The following CACNA1A variants were observed in gnomAD, a reference collection of about 807,000 sequenced individuals.
CACNA1A encodes voltage-dependent P/Q-type calcium channel subunit alpha-1A.
A neutral mutation model predicts 262.4 loss-of-function variants in CACNA1A; 57 were observed. That is an observed-to-expected ratio of 0.22 (90% confidence interval 0.18 to 0.27). CACNA1A has a LOEUF of 0.27. CACNA1A is among the 10% of genes least tolerant of loss of function. The pLI, the probability that CACNA1A is intolerant of heterozygous loss-of-function variation, is 1.00. For missense variants in CACNA1A, 2,526 were observed against 3,562.8 expected (o/e 0.71, Z 7.41); for synonymous variants, 1,431 against 1,419.3 (o/e 1.01, Z -0.18).
In CACNA1A at chr19:13,317,101, G is replaced by A; in HGVS notation, c.1555+11C>T. Reference sequence around the variant, plus strand: ...AGGGAGTTGGCAGGGGTGGGGCTGGGTGATACTCACAAAGGAAGTCGGAGA... The same window carrying A: ...AGGGAGTTGGCAGGGGTGGGGCTGGATGATACTCACAAAGGAAGTCGGAGA... On this transcript the variant is annotated intron_variant, in intron 11 of 46. Coordinates refer to ENST00000360228, the MANE Select transcript of CACNA1A (RefSeq NM_001127222.2). The A allele has an allele frequency of 6.3e-7, 1 of 1,589,170 alleles. No individual in the cohort carries two copies. The highest frequency in any genetic ancestry group is 8.6e-7 in the Non-Finnish European group (1 of 1,158,996).
At chr19:13,472,978 T>C (rs1978289037) in intron 1 of CACNA1A, among the ~76,000 whole-genome samples, 2 of 152,148 alleles carry the variant, frequency 1.3e-5, no homozygotes, top group Admixed American at 1.3e-4. Flanking sequence ...AGAGGCCAGG[T>C]GCAGTGGCTC....
At chr19:13,429,167 TACACACAC>T (rs56218610) in intron 3 of CACNA1A, among the ~76,000 whole-genome samples, 19,013 of 141,198 alleles carry the variant, frequency 0.13, 1,391 homozygotes, top group Non-Finnish European at 0.18. Flanking sequence ...TCACTGTGCG[TACACACAC>T]ACACACACAC....
intron 20 of CACNA1A, among the ~76,000 whole-genome samples, chr19:13,286,083 C>G (rs894493621): frequency 6.0e-5 from 9 of 151,064 alleles, no homozygotes; most frequent in African/African-American, 2.2e-4. Flanking sequence ...GCCAGTACAT[C>G]TGGCCCCTTT....
At chr19:13,306,059 C>CA (rs34439709) in intron 15 of CACNA1A, among the ~76,000 whole-genome samples, 16,912 of 139,748 alleles carry the variant, frequency 0.12, 1,095 homozygotes, top group East Asian at 0.18. Context: ...GACTCCATCT[C>CA]AAAAAAAAAA....
At position 13,366,940 on chromosome 19, in the gene CACNA1A, A is replaced by G. The variant is rs78973582; in HGVS notation, c.632-1471T>C. Among the ~76,000 whole-genome samples, 3 of 152,278 alleles carry G rather than the reference A, an allele frequency of 2.0e-5. No homozygotes were observed. The East Asian group carries it at 5.8e-4, about 29-fold the overall frequency. On this transcript the variant is annotated intron_variant, in intron 4 of 46. Transcript: ENST00000360228. ...ACATGTAAAGTCACTCTCATTTTAC[A>G]GAAGTGGGAAGCAAGGCTAACAGAG...
At chr19:13,221,825 C>CTGG (rs2055243342) in intron 38 of CACNA1A, among the ~76,000 whole-genome samples, 1 of 152,148 alleles carries the variant, frequency 6.6e-6, no homozygotes, top group Non-Finnish European at 1.5e-5. Context: ...GCCCGCCTCC[C>CTGG]TGGCCTCCTC....
intron 24 of CACNA1A, 152 bp from the exon 25 acceptor site, chr19:13,262,985 T>C (rs2056772344): frequency 3.1e-6 from 2 of 649,318 alleles, no homozygotes; most frequent in Admixed American, 2.3e-5. Context: ...TGGTGAAGAG[T>C]GGTCCATTTC....
intron 22 of CACNA1A, among the ~76,000 whole-genome samples, chr19:13,282,417 A>T (rs1197814827): frequency 6.6e-6 from 1 of 152,046 alleles, no homozygotes; most frequent in African/African-American, 2.4e-5. Context: ...GCAGCCCATG[A>T]CTGAGGCACG....
At chr19:13,245,294 G>A (rs1186975652) in intron 30 of CACNA1A, 29 bp from the exon 31 acceptor site, 4 of 1,583,180 alleles carry the variant, frequency 2.5e-6, no homozygotes, top group Non-Finnish European at 3.5e-6. Flanking sequence ...AGACAGAGAT[G>A]CCAACAGAGG....
chr19:13,302,193 A>G (rs1216089459), intron 17 of CACNA1A, among the ~76,000 whole-genome samples: 2 of 152,128 alleles, frequency 1.3e-5, no homozygotes, highest in Admixed American at 1.3e-4. Context: ...TGCGACACAC[A>G]TCTCATCTAA....
chr19:13,496,670 T>A (rs1981571483), intron 1 of CACNA1A, among the ~76,000 whole-genome samples: 1 of 151,982 alleles, frequency 6.6e-6, no homozygotes, highest in Non-Finnish European at 1.5e-5. Context: ...ATAACAGAGA[T>A]CAAGGGAGTT....
At chr19:13,394,413 G>A (rs1164320476) in intron 3 of CACNA1A, among the ~76,000 whole-genome samples, 1 of 152,206 alleles carries the variant, frequency 6.6e-6, no homozygotes, top group Admixed American at 6.5e-5. Context: ...ACAATTGCCT[G>A]CTAACTTCAT....
intron 21 of CACNA1A, chr19:13,284,686 T>C (rs1001242320): frequency 1.1e-5 from 2 of 188,186 alleles, no homozygotes; most frequent in African/African-American, 4.7e-5. Context: ...CCACGTGCAG[T>C]TGTTCAGGCT....
chr19:13,495,220 G>A (rs762542517), intron 1 of CACNA1A, among the ~76,000 whole-genome samples: 3 of 152,204 alleles, frequency 2.0e-5, no homozygotes, highest in Non-Finnish European at 4.4e-5. Flanking sequence ...TTGGGGGGAT[G>A]TGAGGAAGGC....
Position 13,330,349 on chromosome 19 carries a change from C to T in CACNA1A, c.1256-16G>A. The T allele has an allele frequency of 2.6e-6, 4 of 1,548,142 alleles. No individual in the cohort carries two copies. Among genetic ancestry groups the T allele is most frequent in the Non-Finnish European group, 3.5e-6 (4 of 1,142,184 alleles). On this transcript the variant is annotated splice_polypyrimidine_tract_variant and intron_variant, in intron 9 of 46. Coordinates refer to ENST00000360228, the MANE Select transcript of CACNA1A (RefSeq NM_001127222.2). ...CTCCGCAGAGCTCCAACAATGGAAA[C>T]ATGGCAAGAGAAAAAGACGTTACCC...
chr19:13,434,983 T>C (rs1249627355), intron 3 of CACNA1A, among the ~76,000 whole-genome samples: 2 of 151,976 alleles, frequency 1.3e-5, no homozygotes, highest in Admixed American at 1.3e-4. Context: ...AGAGACAGGA[T>C]TTCACTGTGT....
intron 6 of CACNA1A, among the ~76,000 whole-genome samples, chr19:13,349,677 T>A (rs1357921102): frequency 1.3e-5 from 2 of 152,218 alleles, no homozygotes; most frequent in African/African-American, 4.8e-5. Context: ...TGGCAGAATC[T>A]GAGGATGTTG....
chr19:13,472,921 T>A (rs1178632988), intron 1 of CACNA1A, among the ~76,000 whole-genome samples: 1 of 152,134 alleles, frequency 6.6e-6, no homozygotes, highest in Non-Finnish European at 1.5e-5. Flanking sequence ...TCCTGGATTA[T>A]CTGACGGGCT....
At chr19:13,429,207 C>CACACA (rs1568635625) in intron 3 of CACNA1A, among the ~76,000 whole-genome samples, 1 of 146,376 alleles carries the variant, frequency 6.8e-6, no homozygotes, top group Non-Finnish European at 1.5e-5. Context: ...CACACACACA[C>CACACA]CCCTCTTTCT....
Sources: gnomAD v4.1 joint callset for allele counts (sites outside exome capture counted in the v4.1 genomes callset) on GRCh38, gnomAD v4.1.1 for gene constraint, MANE v1.5 for transcripts, NCBI Gene and HGNC (gene_info 2026-07-23, HGNC 2026-07-21) for gene names.